The following ZFHX3 variants were observed in gnomAD, a reference collection of about 807,000 sequenced individuals.
ZFHX3 encodes the protein zinc finger homeobox 3.
A neutral mutation model predicts 279.1 loss-of-function variants in ZFHX3; 42 were observed. The observed-to-expected ratio is 0.15, with a 90% CI of 0.12 to 0.19. ZFHX3 has a LOEUF of 0.19. Ranked by LOEUF, ZFHX3 falls within the 10% of genes least tolerant of loss-of-function variation. ZFHX3 has a pLI of 1.00. For missense variants in ZFHX3, 4,981 were observed against 4,754.0 expected (o/e 1.05, Z -1.40); for synonymous variants, 2,293 against 1,957.8 (o/e 1.17, Z -4.52).
At chr16:73,168,819 G>A (rs1024217639) in intron 5 of ZFHX3, among the ~76,000 whole-genome samples, 4 of 152,074 alleles carry the variant, frequency 2.6e-5, no homozygotes, top group Admixed American at 6.5e-5. Flanking sequence ...CGTCCACTCC[G>A]CTTTACACCT....
At chr16:73,792,990 G>A (rs543838364) in intron 1 of ZFHX3, among the ~76,000 whole-genome samples, 18 of 152,090 alleles carry the variant, frequency 1.2e-4, no homozygotes, top group Non-Finnish European at 1.6e-4. Flanking sequence ...TGACACAAGC[G>A]GCATTATCTG....
At chr16:73,172,696 T>G (rs898422019) in intron 5 of ZFHX3, among the ~76,000 whole-genome samples, 1 of 152,130 alleles carries the variant, frequency 6.6e-6, no homozygotes, top group African/African-American at 2.4e-5. Context: ...GCCCGGACAA[T>G]GAGAACAAGA....
chr16:73,038,100 CT>C (rs1446208155), intron 1 of ZFHX3, among the ~76,000 whole-genome samples: 1 of 152,234 alleles, frequency 6.6e-6, no homozygotes, highest in Admixed American at 6.5e-5. Flanking sequence ...TCCTTCCCCT[CT>C]TTCCAGTCAC....
intron 2 of ZFHX3, among the ~76,000 whole-genome samples, chr16:73,572,907 T>C (rs1301132771): frequency 6.6e-6 from 1 of 152,214 alleles, no homozygotes; most frequent in Non-Finnish European, 1.5e-5. Flanking sequence ...TCAAATGCTC[T>C]CAGATTAATT....
chr16:73,588,751 A>T (rs2143837098), intron 2 of ZFHX3, among the ~76,000 whole-genome samples: 1 of 151,998 alleles, frequency 6.6e-6, no homozygotes, highest in East Asian at 1.9e-4. Context: ...AATATAGTCA[A>T]CACCCCCAAG....
At chr16:73,595,722 A>G (rs1309341212) in intron 2 of ZFHX3, among the ~76,000 whole-genome samples, 1 of 152,198 alleles carries the variant, frequency 6.6e-6, no homozygotes, top group African/African-American at 2.4e-5. Flanking sequence ...CCCAAGAGCC[A>G]CAAAGTCACT....
intron 3 of ZFHX3, among the ~76,000 whole-genome samples, chr16:72,924,308 G>C (rs766041285): frequency 2.0e-5 from 3 of 152,146 alleles, no homozygotes; most frequent in Non-Finnish European, 4.4e-5. Context: ...CAACACCGCA[G>C]GCCCTTCCTA....
rs527332204 is a variant in ZFHX3, at chr16:72,851,218, G to T, written c.3449-21359C>A. 2.0e-5 allele frequency among the ~76,000 whole-genome samples: 3 copies of T among 152,216 alleles called. No homozygotes were observed. The South Asian group carries it at 6.2e-4, about 32-fold the overall frequency. On this transcript the variant is annotated intron_variant, in intron 4 of 9. Coordinates refer to ENST00000268489, the MANE Select transcript of ZFHX3 (RefSeq NM_006885.4). ...AGCCAGATGTTACACTCTCAGGGTG[G>T]GGACCAACAGATACCAGGAAGAAGA...
intron 3 of ZFHX3, among the ~76,000 whole-genome samples, chr16:73,385,288 T>C (rs1328001568): frequency 1.3e-5 from 2 of 152,076 alleles, no homozygotes; most frequent in Admixed American, 6.5e-5. Flanking sequence ...AAAATTCAGA[T>C]AGGAAAAATT....
At chr16:73,497,794 A>G (rs60586538) in intron 2 of ZFHX3, among the ~76,000 whole-genome samples, 213 of 152,356 alleles carry the variant, frequency 1.4e-3, no homozygotes, top group African/African-American at 5.0e-3. Flanking sequence ...GTTCTTCAAT[A>G]GTTGCTGGAG....
At chr16:73,091,097 G>C (rs945215327) in intron 8 of ZFHX3, among the ~76,000 whole-genome samples, 1 of 151,834 alleles carries the variant, frequency 6.6e-6, no homozygotes, top group Non-Finnish European at 1.5e-5. Context: ...TGTAGTCCCA[G>C]CTACTCGGGA....
chr16:73,881,301 C>T (rs1306048715), intron 1 of ZFHX3, among the ~76,000 whole-genome samples: 3 of 152,110 alleles, frequency 2.0e-5, no homozygotes, highest in Non-Finnish European at 2.9e-5. Flanking sequence ...CGGTCTGTCA[C>T]GACATGCAGG....
intron 5 of ZFHX3, among the ~76,000 whole-genome samples, chr16:73,248,907 A>G (rs1008286143): frequency 4.6e-5 from 7 of 152,094 alleles, no homozygotes; most frequent in Admixed American, 2.6e-4. Context: ...CCCTAAAAAA[A>G]CTGTCCAGTC....
chr16:73,074,917 G>A (rs1965869249), intron 8 of ZFHX3, among the ~76,000 whole-genome samples: 1 of 151,906 alleles, frequency 6.6e-6, no homozygotes, highest in Non-Finnish European at 1.5e-5. Flanking sequence ...CTCCTAAGTA[G>A]CTAATTAGCC....
At chr16:72,936,453 T>C (rs1351862554) in intron 3 of ZFHX3, among the ~76,000 whole-genome samples, 1 of 152,204 alleles carries the variant, frequency 6.6e-6, no homozygotes, top group Non-Finnish European at 1.5e-5. Flanking sequence ...TGCAGAGAAG[T>C]TATCTTGAGT....
intron 1 of ZFHX3, among the ~76,000 whole-genome samples, chr16:73,831,792 A>G (rs62044571): frequency 1.3e-5 from 2 of 152,214 alleles, no homozygotes; most frequent in African/African-American, 2.4e-5. Context: ...GGGCGGAGGA[A>G]GTTCACCTAT....
intron 2 of ZFHX3, among the ~76,000 whole-genome samples, chr16:73,458,869 T>G (rs1056337151): frequency 1.3e-5 from 2 of 152,240 alleles, no homozygotes; most frequent in African/African-American, 4.8e-5. Flanking sequence ...TTCATATTAG[T>G]AACAACTGAA....
At chr16:73,780,437 C>T (rs1959428176) in intron 1 of ZFHX3, among the ~76,000 whole-genome samples, 2 of 149,644 alleles carry the variant, frequency 1.3e-5, no homozygotes, top group Non-Finnish European at 3.0e-5. Context: ...CATGAGCCAC[C>T]GTGCCTGAAC....
At chr16:72,995,296 G>A (rs7192350) in intron 1 of ZFHX3, among the ~76,000 whole-genome samples, 118,525 of 151,990 alleles carry the variant, frequency 0.78, 46,925 homozygotes, top group Middle Eastern at 0.88. Context: ...TCCACTCTTC[G>A]CCCGTGCCTC....
Sources: allele counts gnomAD v4.1 joint callset (sites outside exome capture counted in the v4.1 genomes callset), GRCh38; gene constraint gnomAD v4.1.1; transcripts MANE v1.5; gene names NCBI Gene and HGNC (gene_info 2026-07-23, HGNC 2026-07-21).